The following GARRE1 variants were observed in gnomAD, a reference collection of about 807,000 sequenced individuals.
GARRE1 encodes granule associated Rac and RHOG effector 1.
In GARRE1, 49 loss-of-function variants were observed where a neutral mutation model predicts 103.2. That is an observed-to-expected ratio of 0.47 (90% CI 0.38 to 0.60). The LOEUF is 0.60. Among genes scored for constraint, GARRE1 ranks in the 20% least tolerant of loss-of-function variants. The pLI, the probability that GARRE1 is intolerant of heterozygous loss-of-function variation, is 0.00. For missense variants in GARRE1, 1,199 were observed against 1,370.5 expected, an observed-to-expected ratio of 0.87 and a Z score of 1.98; for synonymous variants, 505 against 532.8, an observed-to-expected ratio of 0.95 and a Z score of 0.72.
At chr19:34,325,068 C>T (rs1467156121) in intron 3 of GARRE1, among the ~76,000 whole-genome samples, 2 of 149,642 alleles carry the variant, frequency 1.3e-5, no homozygotes, top group Non-Finnish European at 3.0e-5. Flanking sequence ...CAGCTCACAG[C>T]AGTGTGGAGA....
At chr19:34,257,578 G>T (rs1429097170) in intron 1 of GARRE1, among the ~76,000 whole-genome samples, 2 of 152,028 alleles carry the variant, frequency 1.3e-5, no homozygotes, top group African/African-American at 4.8e-5. Flanking sequence ...AAAAAATGTT[G>T]GTTTAGATAA....
intron 1 of GARRE1, among the ~76,000 whole-genome samples, chr19:34,277,106 C>G (rs1298709433): frequency 2.0e-5 from 3 of 152,016 alleles, no homozygotes; most frequent in Middle Eastern, 3.4e-3. Context: ...GAGGCAGCAG[C>G]GTGTGTAAAG....
At chr19:34,294,590 C>T (rs1298247328) in intron 1 of GARRE1, among the ~76,000 whole-genome samples, 1 of 151,470 alleles carries the variant, frequency 6.6e-6, no homozygotes, top group East Asian at 1.9e-4. Context: ...CTGTTAAGTC[C>T]AATATCTGGG....
intron 3 of GARRE1, among the ~76,000 whole-genome samples, chr19:34,322,069 A>G (rs556959096): frequency 3.3e-5 from 5 of 152,310 alleles, no homozygotes; most frequent in Admixed American, 1.3e-4. Flanking sequence ...CTGGTGTGGC[A>G]TTCTCTATTC....
At chr19:34,326,008 C>T (rs979818946) in intron 3 of GARRE1, among the ~76,000 whole-genome samples, 1 of 152,214 alleles carries the variant, frequency 6.6e-6, no homozygotes, top group Non-Finnish European at 1.5e-5. Flanking sequence ...GTTTTTTCTC[C>T]ATTTATAATT....
intron 10 of GARRE1, among the ~76,000 whole-genome samples, chr19:34,345,438 C>T (rs917689890): frequency 2.0e-5 from 3 of 152,214 alleles, no homozygotes; most frequent in East Asian, 1.9e-4. Flanking sequence ...GGGCACAGTG[C>T]GTTTTCTCAG....
chr19:34,273,415 A>G lies in GARRE1; in HGVS notation c.-796+18801A>G, dbSNP rs140735654. Reference sequence around the variant, plus strand: ...CTTCACTAGCTTATTTATTTATTTTAAGCAGAACCTTATTTCTAGCATCTA... The same window carrying G: ...CTTCACTAGCTTATTTATTTATTTTGAGCAGAACCTTATTTCTAGCATCTA... On this transcript the variant is annotated intron_variant, in intron 1 of 13. Coordinates refer to ENST00000299505, the MANE Select transcript of GARRE1 (RefSeq NM_014686.5). Among the ~76,000 whole-genome samples the G allele has an allele frequency of 2.0e-4, 31 of 152,304 alleles. No homozygotes were observed. In the East Asian group the frequency reaches 5.2e-3, roughly 26 times the overall value.
chr19:34,344,547 C>T (rs1366939187), intron 10 of GARRE1, among the ~76,000 whole-genome samples: 1 of 148,426 alleles, frequency 6.7e-6, no homozygotes, highest in Non-Finnish European at 1.5e-5. Flanking sequence ...GCCGAGATCC[C>T]GCCACTGCAC....
intron 2 of GARRE1, among the ~76,000 whole-genome samples, chr19:34,313,372 C>A (rs2074045476): frequency 6.6e-6 from 1 of 152,204 alleles, no homozygotes; most frequent in South Asian, 2.1e-4. Flanking sequence ...GGTGATGCTG[C>A]TGAGGGGAGG....
chr19:34,268,897 A>G (rs1288223847), intron 1 of GARRE1, among the ~76,000 whole-genome samples: 1 of 152,214 alleles, frequency 6.6e-6, no homozygotes, highest in Admixed American at 6.5e-5. Context: ...AAAGTTACGC[A>G]TTGATCTTCC....
At chr19:34,263,988 G>A (rs1358180963) in intron 1 of GARRE1, among the ~76,000 whole-genome samples, 4 of 152,038 alleles carry the variant, frequency 2.6e-5, no homozygotes, top group African/African-American at 7.2e-5. Flanking sequence ...TTGTAGTGAG[G>A]CATTACTGAG....
rs1197775896 is a variant in GARRE1 at position 34,324,856 on chromosome 19, TA to T, written c.706-2564del. On this transcript the variant is annotated intron_variant, in intron 3 of 13. Coordinates refer to ENST00000299505, the MANE Select transcript of GARRE1 (RefSeq NM_014686.5). The stretch of plus-strand genomic sequence containing the variant: ...ATTTGAAGCGTGTGATCCTTGTGCA[TA>T]TTTTAATATTTTTTCCGTATATGAA... Among the ~76,000 whole-genome samples, 3 of 152,298 alleles carry T rather than the reference TA, an allele frequency of 2.0e-5. No homozygotes were observed. The East Asian group carries it at 5.8e-4, about 29-fold the overall frequency.
rs1233215589 is a variant in GARRE1, at chr19:34,330,597, T to C, written c.1263+250T>C. ...TGCAAAATGATGCTATGGGCTTTGC[T>C]TATTTTAAGAAAAAAACCATTACAG... On this transcript the variant is annotated intron_variant, in intron 7 of 13. Coordinates refer to ENST00000299505, the MANE Select transcript of GARRE1 (RefSeq NM_014686.5). Among the ~76,000 whole-genome samples the C allele has an allele frequency of 6.7e-4, 102 of 152,206 alleles. 1 individual carries two copies. Among genetic ancestry groups the C allele is most frequent in the South Asian group, 2.1e-4 (1 of 4,832 alleles).
In GARRE1 at chr19:34,266,756, C is replaced by A. The variant is rs113373932; in HGVS notation, c.-796+12142C>A. ...TTATTGATAGAATTTTTTATGGATG[C>A]CTTAAATTCTCAGAAATGATTTTGA... On this transcript the variant is annotated intron_variant, in intron 1 of 13. Coordinates refer to ENST00000299505, the MANE Select transcript of GARRE1 (RefSeq NM_014686.5). Among the ~76,000 whole-genome samples, 1,225 of 151,988 alleles carry A rather than the reference C, an allele frequency of 8.1e-3. 8 individuals carry two copies. The highest frequency in any genetic ancestry group is 0.028 in the African/African-American group (1,142 of 41,442).
rs1405882163 is a variant in GARRE1, at chr19:34,255,311, CATG to C, written c.-796+700_-796+702del. On this transcript the variant is annotated intron_variant, in intron 1 of 13. Coordinates refer to ENST00000299505, the MANE Select transcript of GARRE1 (RefSeq NM_014686.5). ...CGAGGAAAGAAGCGTGCCTGGTTGG[CATG>C]ATAAGAATTTTGTTTAGACTTTTTA... Among the ~76,000 whole-genome samples the C allele has an allele frequency of 3.3e-5, 5 of 152,350 alleles. No individual in the cohort carries two copies. The East Asian group carries it at 9.6e-4, about 29-fold the overall frequency.
At chr19:34,331,566 A>G (rs984237763) in intron 7 of GARRE1, among the ~76,000 whole-genome samples, 1 of 152,232 alleles carries the variant, frequency 6.6e-6, no homozygotes, top group Non-Finnish European at 1.5e-5. Flanking sequence ...TTTCAGAGAA[A>G]AAAAAAACTT....
intron 2 of GARRE1, among the ~76,000 whole-genome samples, chr19:34,307,750 T>A (rs2074016272): frequency 1.4e-5 from 2 of 140,110 alleles, no homozygotes; most frequent in Admixed American, 7.7e-5. Flanking sequence ...ATATACTATA[T>A]ATACATATAT....
intron 1 of GARRE1, among the ~76,000 whole-genome samples, chr19:34,270,033 G>C (rs1023073337): frequency 6.6e-6 from 1 of 152,192 alleles, no homozygotes; most frequent in Admixed American, 6.5e-5. Flanking sequence ...TTTCTCTTCT[G>C]ATGTTTTAAT....
At chr19:34,352,514 T>C (rs911047951) in intron 13 of GARRE1, 133 bp from the exon 14 acceptor site, 2 of 717,068 alleles carry the variant, frequency 2.8e-6, no homozygotes, top group Non-Finnish European at 4.9e-6. Flanking sequence ...GAAGTTCTGT[T>C]GGACAGGGGT....
Sources: allele counts gnomAD v4.1 joint callset (sites outside exome capture counted in the v4.1 genomes callset), GRCh38; gene constraint gnomAD v4.1.1; transcripts MANE v1.5; gene names NCBI Gene and HGNC (gene_info 2026-07-23, HGNC 2026-07-21).